The following COL26A1 variants were observed in gnomAD, a reference collection of about 807,000 sequenced individuals.
The protein encoded by COL26A1 is collagen type XXVI alpha 1 chain.
Under a neutral mutation model 59.3 loss-of-function variants are expected in COL26A1, and 41 were observed. The observed-to-expected ratio is 0.69, with a 90% CI of 0.54 to 0.90. The LOEUF is 0.90. Among genes scored for constraint, COL26A1 ranks in the 40% least tolerant of loss-of-function variants. The pLI is 0.00. For missense variants in COL26A1, 612 were observed against 602.3 expected (o/e 1.02, Z -0.17); for synonymous variants, 266 against 256.0 (o/e 1.04, Z -0.37).
intron 3 of COL26A1, among the ~76,000 whole-genome samples, chr7:101,486,983 G>C (rs1318057434): frequency 2.0e-5 from 3 of 152,230 alleles, no homozygotes; most frequent in Non-Finnish European, 4.4e-5. Flanking sequence ...GCTGGAGGGG[G>C]AGGAAGGGAG....
chr7:101,520,278 GGGGC>G (rs1795112688), intron 3 of COL26A1, among the ~76,000 whole-genome samples: 1 of 152,078 alleles, frequency 6.6e-6, no homozygotes, highest in African/African-American at 2.4e-5. Context: ...ACACCTGCCT[GGGGC>G]AGGCAGGGCA....
chr7:101,433,124 A>G lies in COL26A1; in HGVS notation c.281+13025A>G, dbSNP rs562274825. Among the ~76,000 whole-genome samples, 316 of 152,064 alleles carry G rather than the reference A, an allele frequency of 2.1e-3. 1 individual carries two copies. The highest frequency in any genetic ancestry group is 4.0e-3 in the Non-Finnish European group (269 of 67,956). ...GATCGCTTGAGGCCAGAAGTTTGAG[A>G]CCAGCCTGGGCAACATAGTGAAACC... is the stretch of plus-strand genomic sequence containing the variant. On this transcript the variant is annotated intron_variant, in intron 2 of 12. Transcript: ENST00000313669.
intron 3 of COL26A1, among the ~76,000 whole-genome samples, chr7:101,470,070 A>G (rs1171413770): frequency 6.6e-6 from 1 of 151,448 alleles, no homozygotes; most frequent in East Asian, 1.9e-4. Flanking sequence ...TGCTGCAGAG[A>G]GAGGGGTCCC....
At chr7:101,363,719 A>G (rs1790968587) in intron 1 of COL26A1, among the ~76,000 whole-genome samples, 1 of 150,368 alleles carries the variant, frequency 6.7e-6, no homozygotes, top group Non-Finnish European at 1.5e-5. Context: ...CGCTTCCCCA[A>G]CCTTCGCCCC....
chr7:101,546,956 G>A (rs1040715931), intron 7 of COL26A1, among the ~76,000 whole-genome samples, 200 bp from the exon 8 acceptor site: 1 of 152,200 alleles, frequency 6.6e-6, no homozygotes, highest in Admixed American at 6.5e-5. Context: ...GACCGACCTG[G>A]CTTTCCCTGC....
intron 1 of COL26A1, among the ~76,000 whole-genome samples, chr7:101,411,368 G>A (rs1390665011): frequency 1.3e-5 from 2 of 152,028 alleles, no homozygotes; most frequent in Non-Finnish European, 2.9e-5. Context: ...GGAGGGACAC[G>A]GCCACGTCTG....
At chr7:101,390,719 C>G (rs1241343284) in intron 1 of COL26A1, among the ~76,000 whole-genome samples, 2 of 152,230 alleles carry the variant, frequency 1.3e-5, no homozygotes, top group Non-Finnish European at 2.9e-5. Flanking sequence ...GCCACCATGC[C>G]TGGCCTGGAG....
intron 3 of COL26A1, among the ~76,000 whole-genome samples, chr7:101,450,496 C>T (rs984464322): frequency 6.6e-6 from 1 of 151,990 alleles, no homozygotes; most frequent in East Asian, 1.9e-4. Flanking sequence ...GTGGCATGGT[C>T]GAAGGTCCCC....
chr7:101,447,905 C>A, intron 3 of COL26A1, 118 bp downstream of exon 3: 1 of 689,454 alleles, frequency 1.5e-6, no homozygotes, highest in South Asian at 1.7e-5. Context: ...GAAATCCTTT[C>A]CTTTTCCCAA....
At chr7:101,466,837 T>TGTGTGTGTGTGAGA (rs764059657) in intron 3 of COL26A1, among the ~76,000 whole-genome samples, 2,653 of 122,460 alleles carry the variant, frequency 0.022, 48 homozygotes, top group Middle Eastern at 0.057. Flanking sequence ...TGTGTGTGTG[T>TGTGTGTGTGTGAGA]GAGAGAGAGA....
At chr7:101,446,690 T>C (rs1026592217) in intron 2 of COL26A1, among the ~76,000 whole-genome samples, 6 of 151,808 alleles carry the variant, frequency 4.0e-5, no homozygotes, top group African/African-American at 1.5e-4. Flanking sequence ...CTACCAAAAA[T>C]ACAAAAATTA....
At chr7:101,456,165 TATA>T (rs1352673117) in intron 3 of COL26A1, among the ~76,000 whole-genome samples, 10 of 99,168 alleles carry the variant, frequency 1.0e-4, no homozygotes, top group East Asian at 4.5e-4. Flanking sequence ...TATATATATA[TATA>T]TTTTTTTTTT....
chr7:101,481,721 G>A (rs990488104), intron 3 of COL26A1, among the ~76,000 whole-genome samples: 4 of 151,324 alleles, frequency 2.6e-5, no homozygotes, highest in African/African-American at 9.7e-5. Context: ...AAAGTGCTGG[G>A]ATTACATGCA....
At chr7:101,546,412 T>C (rs1358767848) in intron 7 of COL26A1, among the ~76,000 whole-genome samples, 1 of 151,776 alleles carries the variant, frequency 6.6e-6, no homozygotes, top group African/African-American at 2.4e-5. Context: ...TTTTTTTTTT[T>C]TTTTTTGAGT....
At chr7:101,432,454 C>T (rs1049565406) in intron 2 of COL26A1, among the ~76,000 whole-genome samples, 1 of 151,592 alleles carries the variant, frequency 6.6e-6, no homozygotes, top group Non-Finnish European at 1.5e-5. Flanking sequence ...CAGGGACTAC[C>T]CTAAATTCCT....
At chr7:101,547,747 T>G (rs980432206) in intron 8 of COL26A1, among the ~76,000 whole-genome samples, 1 of 152,260 alleles carries the variant, frequency 6.6e-6, no homozygotes, top group African/African-American at 2.4e-5. Flanking sequence ...ATTCATTCAT[T>G]CTTTTATTCA....
chr7:101,398,433 C>A (rs1461597864), intron 1 of COL26A1, among the ~76,000 whole-genome samples: 4 of 152,144 alleles, frequency 2.6e-5, no homozygotes, highest in Admixed American at 2.6e-4. Context: ...AACTCCTGAG[C>A]TTTCTCGGCA....
At chr7:101,370,940 G>A (rs367888770) in intron 1 of COL26A1, among the ~76,000 whole-genome samples, 1 of 142,414 alleles carries the variant, frequency 7.0e-6, no homozygotes, top group East Asian at 2.1e-4. Flanking sequence ...ATCTGTGATT[G>A]TGGTTTTGGT....
chr7:101,511,199 G>A (rs1266200535), intron 3 of COL26A1, among the ~76,000 whole-genome samples: 2 of 152,186 alleles, frequency 1.3e-5, no homozygotes, highest in Admixed American at 1.3e-4. Flanking sequence ...ACCGCACCCG[G>A]CCCATCTCAC....
Sources: allele counts gnomAD v4.1 joint callset (sites outside exome capture counted in the v4.1 genomes callset), GRCh38; gene constraint gnomAD v4.1.1; transcripts MANE v1.5; gene names NCBI Gene and HGNC (gene_info 2026-07-23, HGNC 2026-07-21).